The following LINGO2 variants were observed in gnomAD, a reference collection of about 807,000 sequenced individuals.
LINGO2 encodes the protein leucine-rich repeat and immunoglobulin-like domain-containing nogo receptor-interacting protein 2.
Under a neutral mutation model 30.6 loss-of-function variants are expected in LINGO2, and 14 were observed. That is an observed-to-expected ratio of 0.46 (90% CI 0.30 to 0.72). LINGO2 has a LOEUF of 0.72. LINGO2 is among the 30% of genes least tolerant of loss of function. LINGO2 has a pLI of 0.07. For synonymous variants in LINGO2, 317 were observed against 288.5 expected, an observed-to-expected ratio of 1.10 and a Z score of -1.00; for missense variants, 729 against 751.7, an observed-to-expected ratio of 0.97 and a Z score of 0.35.
At chr9:28,886,759 T>C in the LINGO2 span, among the ~76,000 whole-genome samples, 2 of 152,166 alleles carry the variant, frequency 1.3e-5, no homozygotes, top group Non-Finnish European at 1.5e-5. Context: ...ATGAATTCAA[T>C]ACTAAACTAA....
chr9:28,177,910 C>A (rs1027614036), intron 4 of LINGO2, among the ~76,000 whole-genome samples: 1 of 152,158 alleles, frequency 6.6e-6, no homozygotes, highest in Admixed American at 6.5e-5. Flanking sequence ...ATTCTACAGC[C>A]TATCAAATAC....
At chr9:29,151,730 G>A in the LINGO2 span, among the ~76,000 whole-genome samples, 1 of 152,094 alleles carries the variant, frequency 6.6e-6, no homozygotes, top group Non-Finnish European at 1.5e-5. Context: ...AAACACTGAA[G>A]CACTCAGATT....
the LINGO2 span, among the ~76,000 whole-genome samples, chr9:29,031,257 G>A: frequency 6.6e-6 from 1 of 151,756 alleles, no homozygotes; most frequent in Non-Finnish European, 1.5e-5. Context: ...TGGTGGTGGT[G>A]GTGGTGGTGG....
chr9:28,498,824 T>G (rs1209301597), intron 1 of LINGO2, among the ~76,000 whole-genome samples: 1 of 152,128 alleles, frequency 6.6e-6, no homozygotes, highest in East Asian at 1.9e-4. Context: ...TAGGCTACTT[T>G]GATCAGTAGG....
intron 2 of LINGO2, among the ~76,000 whole-genome samples, chr9:28,419,327 T>A (rs113664302): frequency 0.029 from 4,449 of 152,244 alleles, 218 homozygotes; most frequent in African/African-American, 0.1. Context: ...AAGAAAAACA[T>A]TTATTGGATA....
At chr9:29,180,423 A>G in the LINGO2 span, among the ~76,000 whole-genome samples, 59 of 152,322 alleles carry the variant, frequency 3.9e-4, no homozygotes, top group Admixed American at 1.9e-3. Flanking sequence ...TTTATTCCTT[A>G]CAGACATTAT....
At chr9:29,100,829 C>T in the LINGO2 span, among the ~76,000 whole-genome samples, 2 of 151,974 alleles carry the variant, frequency 1.3e-5, no homozygotes, top group Admixed American at 6.6e-5. Flanking sequence ...TCTCATGTAA[C>T]CCATAAATCT....
At chr9:29,117,016 C>T in the LINGO2 span, among the ~76,000 whole-genome samples, 1 of 152,114 alleles carries the variant, frequency 6.6e-6, no homozygotes, top group Non-Finnish European at 1.5e-5. Flanking sequence ...TAAGGTTTAC[C>T]TCTCATCAAG....
chr9:28,225,946 C>G (rs548858190), intron 4 of LINGO2, among the ~76,000 whole-genome samples: 1 of 152,208 alleles, frequency 6.6e-6, no homozygotes, highest in African/African-American at 2.4e-5. Flanking sequence ...AGTCATCTCT[C>G]CAGTATGGCA....
chr9:27,970,151 C>G (rs1157731832), intron 5 of LINGO2, among the ~76,000 whole-genome samples: 1 of 152,160 alleles, frequency 6.6e-6, no homozygotes, highest in East Asian at 1.9e-4. Flanking sequence ...GACTATACCA[C>G]ACACACTGGG....
chr9:28,202,214 A>G (rs1214193214), intron 4 of LINGO2, among the ~76,000 whole-genome samples: 1 of 152,164 alleles, frequency 6.6e-6, no homozygotes, highest in East Asian at 1.9e-4. Flanking sequence ...CCTATTTCTA[A>G]GGAAAGTCAC....
chr9:28,802,446 T>C, the LINGO2 span, among the ~76,000 whole-genome samples: 31 of 152,060 alleles, frequency 2.0e-4, no homozygotes, highest in Admixed American at 3.9e-4. Flanking sequence ...CTACTTTATT[T>C]TATTGCCAAT....
chr9:29,069,307 T>C, the LINGO2 span, among the ~76,000 whole-genome samples: 10,812 of 151,962 alleles, frequency 0.071, 483 homozygotes, highest in African/African-American at 0.11. Flanking sequence ...TGGCCTTCTA[T>C]CACTGATTCT....
the LINGO2 span, among the ~76,000 whole-genome samples, chr9:28,815,467 C>A: frequency 1.3e-5 from 2 of 152,124 alleles, no homozygotes; most frequent in African/African-American, 4.8e-5. Flanking sequence ...TTTCCTAAAT[C>A]TTTCTGGCTT....
chr9:28,436,658 C>A (rs955501413), intron 2 of LINGO2, among the ~76,000 whole-genome samples: 1 of 151,934 alleles, frequency 6.6e-6, no homozygotes, highest in Non-Finnish European at 1.5e-5. Flanking sequence ...GGGGTTTCAC[C>A]GTGTTAGCCA....
intron 4 of LINGO2, among the ~76,000 whole-genome samples, chr9:28,201,615 A>G (rs1820238065): frequency 6.6e-6 from 1 of 151,264 alleles, no homozygotes; most frequent in African/African-American, 2.4e-5. Flanking sequence ...GGCTGGGTCA[A>G]ATGGTATTTC....
chr9:28,143,499 T>C (rs188079708), intron 4 of LINGO2, among the ~76,000 whole-genome samples: 1 of 152,256 alleles, frequency 6.6e-6, no homozygotes, highest in East Asian at 1.9e-4. Flanking sequence ...ATCAGAACAG[T>C]ACAATAAATT....
At chr9:27,984,393 C>G (rs1033334299) in intron 5 of LINGO2, among the ~76,000 whole-genome samples, 6 of 151,822 alleles carry the variant, frequency 4.0e-5, no homozygotes, top group Non-Finnish European at 7.4e-5. Flanking sequence ...TGGTTGAAAT[C>G]TAGTGATGAA....
the LINGO2 span, among the ~76,000 whole-genome samples, chr9:29,117,795 G>T: frequency 1.3e-5 from 2 of 152,184 alleles, no homozygotes; most frequent in African/African-American, 4.8e-5. Context: ...ATGTCTCTAA[G>T]TGATTCTTGC....
Sources: gnomAD v4.1 joint callset for allele counts (sites outside exome capture counted in the v4.1 genomes callset) on GRCh38, gnomAD v4.1.1 for gene constraint, MANE v1.5 for transcripts, NCBI Gene and HGNC (gene_info 2026-07-23, HGNC 2026-07-21) for gene names.